The following CFAP57 variants were observed in gnomAD, a reference collection of about 807,000 sequenced individuals.
The protein encoded by CFAP57 is cilia- and flagella-associated protein 57.
CFAP57 carries 116 observed loss-of-function variants against 146.8 expected under a neutral mutation model. The observed-to-expected ratio is 0.79, with a 90% CI of 0.68 to 0.92. The LOEUF is 0.92. Ranked by LOEUF, CFAP57 falls within the 40% of genes least tolerant of loss-of-function variation. The pLI is 0.00. For missense variants in CFAP57, 1,377 were observed against 1,527.2 expected, an observed-to-expected ratio of 0.90 and a Z score of 1.64; for synonymous variants, 518 against 552.8, an observed-to-expected ratio of 0.94 and a Z score of 0.88.
intron 16 of CFAP57, among the ~76,000 whole-genome samples, 172 bp from the exon 17 acceptor site, chr1:43,223,874 G>A (rs1017757915): frequency 5.9e-5 from 9 of 152,168 alleles, no homozygotes; most frequent in East Asian, 3.9e-4. Context: ...TTCCTGAACC[G>A]TCCCAAATGC....
Position 43,183,663 on chromosome 1 carries a change from G to T in CFAP57, c.547G>T (p.Ala183Ser), listed in dbSNP as rs6663799. 16,685 of 1,614,126 alleles carry T rather than the reference G, an allele frequency of 0.01. 235 individuals are homozygous for T. Among genetic ancestry groups the T allele is most frequent in the African/African-American group, 0.067 (5,018 of 75,018 alleles). Residue 183 changes from alanine (A) to serine (S), a missense_variant, in exon 4 of 23, where the codon GCT becomes TCT. Ala to Ser is a moderately conservative substitution (Grantham distance 99). Transcript: ENST00000372492. Reference sequence around the variant, plus strand: ...TGGGATGTTTAAGCTTCTCCGTTTTGCTGAGGGAACCCTGAAGCAAACCAG... The same window carrying T: ...TGGGATGTTTAAGCTTCTCCGTTTTTCTGAGGGAACCCTGAAGCAAACCAG... Reference protein sequence around the residue: ...GNGMFKLLRFAEGTLKQTSFQ... With the variant: ...GNGMFKLLRFSEGTLKQTSFQ...
intron 21 of CFAP57, among the ~76,000 whole-genome samples, chr1:43,242,775 C>G (rs185587319): frequency 1.3e-5 from 2 of 152,212 alleles, no homozygotes; most frequent in East Asian, 3.9e-4. Context: ...TCATATACCT[C>G]TCTGTGCCTC....
At chr1:43,172,580 AGG>A in intron 1 of CFAP57, 127 bp downstream of exon 1, 1 of 369,250 alleles carries the variant, frequency 2.7e-6, no homozygotes, top group Non-Finnish European at 4.5e-6. Context: ...GGGAAAGGGG[AGG>A]GACAAGGGGA....
intron 16 of CFAP57, 125 bp from the exon 17 acceptor site, chr1:43,223,921 A>G (rs1645145082): frequency 1.8e-6 from 2 of 1,136,848 alleles, no homozygotes; most frequent in African/African-American, 1.6e-5. Context: ...GAAATGTTGA[A>G]TGCTAAGTGT....
At chr1:43,210,790 G>A (rs1242568060) in intron 11 of CFAP57, 1 of 152,126 alleles carries the variant, frequency 6.6e-6, no homozygotes, top group Non-Finnish European at 1.5e-5. Flanking sequence ...AACATGAACT[G>A]TACACTTGAA....
rs543231793 is a variant in CFAP57 at position 43,191,582 on chromosome 1, G to A, written c.1122+4723G>A. On this transcript the variant is annotated intron_variant, in intron 6 of 22. Transcript: ENST00000372492. Reference sequence around the variant, plus strand: ...AGCATGGGTGACAAAGCAAGACTCCGTCTCAAAAAAAAAAAAAAAAAAAAG... The same window carrying A: ...AGCATGGGTGACAAAGCAAGACTCCATCTCAAAAAAAAAAAAAAAAAAAAG... Among the ~76,000 whole-genome samples the A allele has an allele frequency of 2.9e-4, 31 of 105,112 alleles. No homozygotes were observed. The South Asian group carries it at 8.7e-3, about 30-fold the overall frequency. 69.0% of individuals were successfully genotyped at this position (105,112 alleles called of 152,430 possible).
Position 43,232,578 on chromosome 1 carries a change from A to C in CFAP57, c.3080A>C (p.Gln1027Pro), listed in dbSNP as rs1044721730. Residue 1027 changes from glutamine (Q) to proline (P), a missense_variant, in exon 19 of 23, where the codon CAG becomes CCG. Transcript: ENST00000372492. ...GAGCTGAACATCACAGAATTGTGGC[A>C]GAAACTGAGAGCCACCGATCAGGAG... ...QLELNITELW[Q>P]KLRATDQEMR... The C allele has an allele frequency of 2.0e-5, 31 of 1,549,390 alleles. No individual in the cohort carries two copies. The highest frequency in any genetic ancestry group is 2.6e-5 in the Non-Finnish European group (30 of 1,146,150).
At position 43,221,452 on chromosome 1, in the gene CFAP57, A is replaced by T; in HGVS notation, c.2328A>T (p.Glu776Asp). The change falls in exon 14 of 23, where the codon GAA becomes GAT. Residue 776 changes from glutamate (E) to aspartate (D), a missense_variant. Glu to Asp is a conservative substitution (Grantham distance 45, BLOSUM62 2). Coordinates refer to ENST00000372492, the MANE Select transcript of CFAP57 (RefSeq NM_001378189.1). ...ACCTCCTAGACAAGCAAAGCCGGGA[A>T]CTGCAGGACATGGGTGAGCCCACAA... ...IEDLLDKQSR[E>D]LQDMECCNNQ... The T allele has an allele frequency of 1.3e-6, 2 of 1,532,660 alleles. No individual in the cohort carries two copies. Among genetic ancestry groups the T allele is most frequent in the Non-Finnish European group, 1.8e-6 (2 of 1,138,142 alleles). The allele number at this position is 1,532,660 out of a possible 1,614,324, so 94.9% of individuals were successfully genotyped here.
intron 10 of CFAP57, 131 bp downstream of exon 10, chr1:43,207,063 C>G: frequency 2.3e-6 from 2 of 863,434 alleles, no homozygotes; most frequent in Non-Finnish European, 3.7e-6. Context: ...AAGATAACAT[C>G]AGGCTCCTCA....
intron 12 of CFAP57, among the ~76,000 whole-genome samples, chr1:43,217,321 A>T (rs1156978089): frequency 6.6e-6 from 1 of 152,208 alleles, no homozygotes. Context: ...AATCTGCAGC[A>T]ATGTGAAGAA....
At chr1:43,177,139 A>G in intron 2 of CFAP57, 2 of 456,300 alleles carry the variant, frequency 4.4e-6, no homozygotes, top group South Asian at 1.5e-5. Flanking sequence ...TGGCTGCTGT[A>G]CAGAGGACAG....
intron 18 of CFAP57, among the ~76,000 whole-genome samples, chr1:43,230,517 C>A (rs533114162): frequency 1.3e-5 from 2 of 152,278 alleles, no homozygotes; most frequent in Non-Finnish European, 2.9e-5. Context: ...CATGACCTAG[C>A]TCAGCCAGCC....
At chr1:43,176,672 T>A in intron 2 of CFAP57, among the ~76,000 whole-genome samples, 1 of 150,116 alleles carries the variant, frequency 6.7e-6, no homozygotes, top group Non-Finnish European at 1.5e-5. Context: ...GAGGGGAGAG[T>A]GACAAACAAA....
At position 43,197,641 on chromosome 1, in the gene CFAP57, T is replaced by C. The variant is rs1197381009; in HGVS notation, c.1211T>C (p.Ile404Thr). Reference sequence around the variant, plus strand: ...GCTACCTGCATCCGCAAACCCCTTATAGCCACCTGTTCTCTGGATCGATCC... The same window carrying C: ...GCTACCTGCATCCGCAAACCCCTTACAGCCACCTGTTCTCTGGATCGATCC... ...GLATCIRKPL[I>T]ATCSLDRSIR... is the part of the protein sequence containing the mutation. Residue 404 changes from isoleucine (I) to threonine (T), a missense_variant, in exon 7 of 23, where the codon ATA becomes ACA. By Grantham distance (89) the Ile-to-Thr change is moderately conservative (BLOSUM62 -1). Transcript: ENST00000372492. The C allele has an allele frequency of 4.3e-6, 7 of 1,614,010 alleles. No homozygotes were observed. The highest frequency in any genetic ancestry group is 4.0e-5 in the African/African-American group (3 of 74,896).
Position 43,185,373 on chromosome 1 carries a change from A to G in CFAP57, c.969+17A>G, listed in dbSNP as rs111509672. The G allele has an allele frequency of 2.2e-4, 361 of 1,611,826 alleles. 2 individuals are homozygous for G. In the African/African-American group the frequency reaches 3.7e-3, roughly 17 times the overall value. ...GAAATCAGGGTAAGGCGGGAAGAAA[A>G]AAAAGAAGTAAAATGGGGGTCCTAT... On this transcript the variant is annotated intron_variant, in intron 5 of 22. Transcript: ENST00000372492.
chr1:43,194,118 T>A (rs1643716971), intron 6 of CFAP57, among the ~76,000 whole-genome samples: 1 of 152,176 alleles, frequency 6.6e-6, no homozygotes, highest in Non-Finnish European at 1.5e-5. Context: ...CCTAAAGGAT[T>A]TCCTTTAGTA....
intron 5 of CFAP57, 125 bp from the exon 6 acceptor site, chr1:43,186,582 G>A (rs1403812228): frequency 6.6e-6 from 7 of 1,061,500 alleles, no homozygotes; most frequent in Admixed American, 4.9e-5. Context: ...CTGCACTCTG[G>A]CCTGGGCAAA....
intron 17 of CFAP57, among the ~76,000 whole-genome samples, chr1:43,226,353 G>C (rs1413010395): frequency 6.6e-6 from 1 of 152,212 alleles, no homozygotes; most frequent in Non-Finnish European, 1.5e-5. Context: ...ATCCAATGTG[G>C]CTTCTTCAGT....
At chr1:43,216,751 C>T (rs1412721685) in intron 12 of CFAP57, among the ~76,000 whole-genome samples, 1 of 152,166 alleles carries the variant, frequency 6.6e-6, no homozygotes, top group Non-Finnish European at 1.5e-5. Context: ...AGCATGTTCC[C>T]AGAATTCCCA....
Sources: gnomAD v4.1 joint callset for allele counts (sites outside exome capture counted in the v4.1 genomes callset) on GRCh38, gnomAD v4.1.1 for gene constraint, MANE v1.5 for transcripts, NCBI Gene and HGNC (gene_info 2026-07-23, HGNC 2026-07-21) for gene names.